CLVS1: variants seen among roughly 807,000 people sequenced by gnomAD.
The protein encoded by CLVS1 is clavesin 1.
A neutral mutation model predicts 33.1 loss-of-function variants in CLVS1; 10 were observed. That is an observed-to-expected ratio of 0.30 (90% CI 0.19 to 0.51). The LOEUF (loss-of-function observed/expected upper bound fraction) is 0.51, where lower values mean the gene tolerates loss of function less well. Among genes scored for constraint, CLVS1 ranks in the 20% least tolerant of loss-of-function variants. CLVS1 has a pLI of 0.97. For synonymous variants in CLVS1, 163 were observed against 166.1 expected, an observed-to-expected ratio of 0.98 and a Z score of 0.14; for missense variants, 343 against 433.4, an observed-to-expected ratio of 0.79 and a Z score of 1.85.
intron 5 of CLVS1, among the ~76,000 whole-genome samples, chr8:61,471,529 C>G (rs1030681019): frequency 3.3e-5 from 5 of 152,160 alleles, no homozygotes; most frequent in Admixed American, 1.3e-4. Context: ...CTCTTCTTTG[C>G]CTTAGTTTTT....
intron 2 of CLVS1, among the ~76,000 whole-genome samples, chr8:61,261,659 C>T (rs554988250): frequency 6.6e-6 from 1 of 152,228 alleles, no homozygotes; most frequent in South Asian, 2.1e-4. Context: ...AAAAGAGACC[C>T]CAAATAGCTC....
At chr8:61,313,295 C>T (rs954998538) in intron 2 of CLVS1, among the ~76,000 whole-genome samples, 2 of 152,086 alleles carry the variant, frequency 1.3e-5, no homozygotes, top group African/African-American at 4.8e-5. Context: ...ATGTAAGGGT[C>T]TAGAAGAAAG....
chr8:61,314,229 T>G (rs1295548864), intron 2 of CLVS1, among the ~76,000 whole-genome samples: 2 of 151,006 alleles, frequency 1.3e-5, no homozygotes, highest in South Asian at 2.1e-4. Flanking sequence ...CTGGTGAATC[T>G]CATGATTTTC....
the CLVS1 span, among the ~76,000 whole-genome samples, chr8:60,976,635 A>G: frequency 2.0e-5 from 3 of 152,270 alleles, no homozygotes; most frequent in African/African-American, 7.2e-5. Flanking sequence ...AACGGTCTGA[A>G]TCAACTATTT....
chr8:61,477,745 A>G (rs1002790594), intron 5 of CLVS1, among the ~76,000 whole-genome samples: 3 of 152,084 alleles, frequency 2.0e-5, no homozygotes, highest in Non-Finnish European at 1.5e-5. Context: ...TTTTCAAAAA[A>G]CCAGCTCCTG....
At chr8:61,339,798 A>AAAAG (rs145061246) in intron 2 of CLVS1, among the ~76,000 whole-genome samples, 2 of 148,848 alleles carry the variant, frequency 1.3e-5, no homozygotes, top group Non-Finnish European at 3.0e-5. Context: ...AAAGAGAAAA[A>AAAAG]AGAGAGGAAG....
At chr8:61,020,900 A>G in the CLVS1 span, among the ~76,000 whole-genome samples, 1 of 152,234 alleles carries the variant, frequency 6.6e-6, no homozygotes, top group Non-Finnish European at 1.5e-5. Flanking sequence ...TCTGAAGTTT[A>G]GGATTTGGCT....
intron 5 of CLVS1, among the ~76,000 whole-genome samples, chr8:61,463,742 A>G (rs1586010607): frequency 6.6e-6 from 1 of 151,980 alleles, no homozygotes; most frequent in African/African-American, 2.4e-5. Context: ...AAATTTTTTT[A>G]TCACAGATCA....
intron 2 of CLVS1, among the ~76,000 whole-genome samples, chr8:61,149,358 C>G (rs1806478684): frequency 6.6e-6 from 1 of 151,776 alleles, no homozygotes; most frequent in African/African-American, 2.4e-5. Flanking sequence ...TTGAGACCAG[C>G]CTGGCCAACA....
chr8:61,307,990 G>A (rs1439281295), intron 2 of CLVS1, among the ~76,000 whole-genome samples: 2 of 152,170 alleles, frequency 1.3e-5, no homozygotes, highest in African/African-American at 4.8e-5. Flanking sequence ...GGCAGGATCA[G>A]TATTATTGAT....
upstream of CLVS1, among the ~76,000 whole-genome samples, chr8:61,285,647 G>A (rs948844658): frequency 6.6e-6 from 1 of 152,188 alleles, no homozygotes; most frequent in Admixed American, 6.5e-5. Flanking sequence ...CACTGTTAAT[G>A]TTGGGTTTGC....
intron 2 of CLVS1, among the ~76,000 whole-genome samples, chr8:61,261,994 G>GTGTATA (rs140249059): frequency 7.4e-6 from 1 of 134,250 alleles, no homozygotes; most frequent in African/African-American, 2.9e-5. Context: ...GTGTGTGTGT[G>GTGTATA]TGTGTGTGTG....
intron 2 of CLVS1, among the ~76,000 whole-genome samples, chr8:61,330,230 T>A (rs1158160634): frequency 6.6e-6 from 1 of 152,102 alleles, no homozygotes; most frequent in African/African-American, 2.4e-5. Context: ...GCTGTTACAG[T>A]GTCCACGGAC....
the CLVS1 span, among the ~76,000 whole-genome samples, chr8:60,997,694 G>C: frequency 1.3e-5 from 2 of 152,186 alleles, no homozygotes; most frequent in Non-Finnish European, 2.9e-5. Context: ...AACGAAGCCA[G>C]CCAAGTGCAG....
intron 1 of CLVS1, among the ~76,000 whole-genome samples, chr8:61,089,859 C>G (rs1805199884): frequency 6.6e-6 from 1 of 152,184 alleles, no homozygotes; most frequent in African/African-American, 2.4e-5. Flanking sequence ...GAATCCAAGG[C>G]TCAGGTGAGC....
At chr8:61,072,337 C>T (rs1308890617) in intron 1 of CLVS1, among the ~76,000 whole-genome samples, 3 of 152,178 alleles carry the variant, frequency 2.0e-5, no homozygotes, top group African/African-American at 7.2e-5. Context: ...ATTCCAGATC[C>T]ATGTTTCTAG....
chr8:61,369,049 C>T lies in CLVS1; in HGVS notation c.456-7556C>T, dbSNP rs187550549. Among the ~76,000 whole-genome samples the T allele has an allele frequency of 3.1e-4, 47 of 151,820 alleles. No individual in the cohort carries two copies. The East Asian group carries it at 3.7e-3, about 12-fold the overall frequency. ...TTCTCTCCCCGTCTTTCTTCCTTTT[C>T]GCTTTTCTCTTCTTCCCTTCCATCC... On this transcript the variant is annotated intron_variant, in intron 2 of 5. Coordinates refer to ENST00000325897, the MANE Select transcript of CLVS1 (RefSeq NM_173519.3).
At chr8:61,181,731 G>A (rs76545488) in intron 2 of CLVS1, among the ~76,000 whole-genome samples, 2,805 of 127,858 alleles carry the variant, frequency 0.022, 96 homozygotes, top group African/African-American at 0.079. Context: ...ATGGAGTCTC[G>A]CTCTGTCTCC....
At chr8:61,490,528 C>T (rs1365360278) in intron 5 of CLVS1, among the ~76,000 whole-genome samples, 1 of 149,380 alleles carries the variant, frequency 6.7e-6, no homozygotes, top group African/African-American at 2.5e-5. Flanking sequence ...ATTAGCTGAG[C>T]GTGGTAGCGC....
Sources: allele counts gnomAD v4.1 joint callset (sites outside exome capture counted in the v4.1 genomes callset), GRCh38; gene constraint gnomAD v4.1.1; transcripts MANE v1.5; gene names NCBI Gene and HGNC (gene_info 2026-07-23, HGNC 2026-07-21).